Variants in RERG observed in about 807,000 individuals in gnomAD.
RERG encodes RAS like estrogen regulated growth inhibitor, also known as ras-related and estrogen-regulated growth inhibitor.
Under a neutral mutation model 23.2 loss-of-function variants are expected in RERG, and 25 were observed. The observed-to-expected ratio is 1.08, with a 90% CI of 0.79 to 1.50. RERG has a LOEUF of 1.50. RERG is among the 40% of genes most tolerant of loss of function. The probability of loss-of-function intolerance (pLI) is 0.00; values close to 1 mark genes in which losing one functional copy is unlikely to be tolerated. For synonymous variants in RERG, 81 were observed against 89.1 expected, an observed-to-expected ratio of 0.91 and a Z score of 0.51; for missense variants, 253 against 250.1, an observed-to-expected ratio of 1.01 and a Z score of -0.08.
intron 1 of RERG, among the ~76,000 whole-genome samples, chr12:15,220,416 C>T (rs1246125615): frequency 6.6e-6 from 1 of 152,026 alleles, no homozygotes; most frequent in Non-Finnish European, 1.5e-5. Flanking sequence ...ATTAGTGATG[C>T]ATTCATTGAT....
intron 2 of RERG, among the ~76,000 whole-genome samples, chr12:15,136,849 TGAA>T (rs1413679360): frequency 6.6e-6 from 1 of 151,970 alleles, no homozygotes; most frequent in Non-Finnish European, 1.5e-5. Context: ...CTGTGTAAGC[TGAA>T]GAAGAAAAAA....
Position 15,214,494 on chromosome 12 carries a change from C to A in RERG, c.61+2935G>T, listed in dbSNP as rs183444515. 7.0e-4 allele frequency among the ~76,000 whole-genome samples: 107 copies of A among 152,270 alleles called. 1 individual carries two copies. The highest frequency in any genetic ancestry group is 2.5e-3 in the African/African-American group (105 of 41,560). On this transcript the variant is annotated intron_variant, in intron 2 of 4. Coordinates refer to ENST00000256953, the MANE Select transcript of RERG (RefSeq NM_032918.3). ...GCCTCTGAAACAATTCAGTGAGGAG[C>A]TACCGAATTACATTCCAGCAGGTAT...
intron 2 of RERG, among the ~76,000 whole-genome samples, chr12:15,206,127 C>A (rs949189468): frequency 6.6e-6 from 1 of 152,072 alleles, no homozygotes; most frequent in African/African-American, 2.4e-5. Flanking sequence ...CCACTATTAT[C>A]ATATAGCACA....
chr12:15,184,683 C>T (rs537286726), intron 2 of RERG, among the ~76,000 whole-genome samples: 2 of 152,258 alleles, frequency 1.3e-5, no homozygotes, highest in East Asian at 3.9e-4. Flanking sequence ...GAAGGTGTGT[C>T]ATAAAATCAG....
intron 2 of RERG, among the ~76,000 whole-genome samples, chr12:15,174,496 GTATA>G (rs60183035): frequency 2.0e-5 from 3 of 150,370 alleles, no homozygotes; most frequent in African/African-American, 7.3e-5. Flanking sequence ...GTGTGTGTGT[GTATA>G]TATATATATT....
Position 15,179,421 on chromosome 12 carries a change from G to C in RERG, c.61+38008C>G, listed in dbSNP as rs1374151126. ...TGAAGTGCAGAAGTGCATTAAGGCT[G>C]TTGCCATCAATCACTGTTCAAACCC... On this transcript the variant is annotated intron_variant, in intron 2 of 4. Transcript: ENST00000256953. Among the ~76,000 whole-genome samples the C allele has an allele frequency of 3.9e-5, 6 of 152,314 alleles. No homozygotes were observed. In the East Asian group the frequency reaches 1.2e-3, roughly 29 times the overall value.
chr12:15,205,508 T>TTA (rs988165091), intron 2 of RERG, among the ~76,000 whole-genome samples: 1 of 152,046 alleles, frequency 6.6e-6, no homozygotes, highest in Admixed American at 6.6e-5. Context: ...CAGATCACTG[T>TTA]TATTCATACT....
At chr12:15,139,811 T>C (rs1477652303) in intron 2 of RERG, among the ~76,000 whole-genome samples, 1 of 152,102 alleles carries the variant, frequency 6.6e-6, no homozygotes, top group Non-Finnish European at 1.5e-5. Flanking sequence ...TATTTCCTTT[T>C]CCTGTCTGAT....
intron 2 of RERG, among the ~76,000 whole-genome samples, chr12:15,180,087 A>G (rs1420693739): frequency 6.6e-6 from 1 of 152,266 alleles, no homozygotes; most frequent in Non-Finnish European, 1.5e-5. Flanking sequence ...AGATGGAACA[A>G]GAGCATTCCT....
intron 2 of RERG, among the ~76,000 whole-genome samples, chr12:15,207,202 G>C (rs547444568): frequency 6.6e-6 from 1 of 152,078 alleles, no homozygotes; most frequent in Non-Finnish European, 1.5e-5. Context: ...AGTGCCACAA[G>C]GGTCCATTAG....
rs571927416 is a variant in RERG at position 15,211,529 on chromosome 12, G to A, written c.61+5900C>T. Among the ~76,000 whole-genome samples, 8 of 152,196 alleles carry A rather than the reference G, an allele frequency of 5.3e-5. No individual in the cohort carries two copies. The East Asian group carries it at 1.2e-3, about 22-fold the overall frequency. ...AACAGTGGTTAACGTCACTGGGAGG[G>A]GTATCAGTGGGCAAAACCAAGGCAT... On this transcript the variant is annotated intron_variant, in intron 2 of 4. Transcript: ENST00000256953.
intron 2 of RERG, among the ~76,000 whole-genome samples, chr12:15,123,343 G>A (rs1333956841): frequency 6.6e-6 from 1 of 151,770 alleles, no homozygotes; most frequent in Admixed American, 6.6e-5. Flanking sequence ...AAGAACCTTG[G>A]TTAGTGCCTG....
At chr12:15,170,685 T>C (rs1320985042) in intron 2 of RERG, among the ~76,000 whole-genome samples, 1 of 152,218 alleles carries the variant, frequency 6.6e-6, no homozygotes, top group Non-Finnish European at 1.5e-5. Flanking sequence ...TGCAGAGTTC[T>C]GCAGTGTGAA....
intron 2 of RERG, among the ~76,000 whole-genome samples, chr12:15,196,248 A>T (rs1451502930): frequency 1.3e-5 from 2 of 152,178 alleles, no homozygotes; most frequent in Non-Finnish European, 2.9e-5. Context: ...CACATTGCCC[A>T]TCCCTGTTTA....
chr12:15,109,395 G>T lies in RERG; in HGVS notation c.315C>A (p.Ile105=), dbSNP rs751118888. The T allele has an allele frequency of 5.6e-6, 9 of 1,613,862 alleles. No homozygotes were observed. Among genetic ancestry groups the T allele is most frequent in the South Asian group, 2.2e-5 (2 of 91,078 alleles). The change falls in exon 5 of 5, where the codon ATC becomes ATA. Residue 105 remains isoleucine (I), a synonymous_variant. Transcript: ENST00000256953. The stretch of plus-strand genomic sequence containing the variant: ...TGAGAGTCACATTCTTGGGCTTTTT[G>T]ATCTCATCTAGGATGTTCTTAAGTG... The part of the protein sequence containing the change: ...VLPLKNILDE[I]KKPKNVTLIL...
intron 2 of RERG, among the ~76,000 whole-genome samples, chr12:15,202,130 GA>G (rs1865225769): frequency 6.6e-6 from 1 of 151,646 alleles, no homozygotes; most frequent in Admixed American, 6.6e-5. Flanking sequence ...ATTAATAGGT[GA>G]AAAAACTGTA....
At chr12:15,132,084 A>G (rs766188980) in intron 2 of RERG, among the ~76,000 whole-genome samples, 1 of 152,200 alleles carries the variant, frequency 6.6e-6, no homozygotes. Flanking sequence ...AAGTGTTATA[A>G]ACCAAAATAT....
chr12:15,196,864 G>GA (rs1865152078), intron 2 of RERG, among the ~76,000 whole-genome samples: 1 of 152,042 alleles, frequency 6.6e-6, no homozygotes, highest in Non-Finnish European at 1.5e-5. Flanking sequence ...ACACTGAAAC[G>GA]AAACAGTCGT....
At chr12:15,182,114 A>G (rs1307765099) in intron 2 of RERG, among the ~76,000 whole-genome samples, 2 of 147,734 alleles carry the variant, frequency 1.4e-5, no homozygotes, top group African/African-American at 2.5e-5. Context: ...GCTGGAGTGC[A>G]ATGGCGCGAT....
Sources: gnomAD v4.1 joint callset for allele counts (sites outside exome capture counted in the v4.1 genomes callset) on GRCh38, gnomAD v4.1.1 for gene constraint, MANE v1.5 for transcripts, NCBI Gene and HGNC (gene_info 2026-07-23, HGNC 2026-07-21) for gene names.